RGS22: variants seen among roughly 807,000 people sequenced by gnomAD.
The protein encoded by RGS22 is regulator of G protein signaling 22.
A neutral mutation model predicts 172.9 loss-of-function variants in RGS22; 148 were observed. The observed-to-expected ratio is 0.86, with a 90% confidence interval of 0.75 to 0.98. The LOEUF is 0.98. RGS22 is among the 50% of genes least tolerant of loss of function. The pLI is 0.00. For missense variants in RGS22, 1,347 were observed against 1,440.8 expected (o/e 0.93, Z 1.05); for synonymous variants, 458 against 480.2 (o/e 0.95, Z 0.60).
At chr8:100,051,471 TA>T (rs1182480118) in intron 10 of RGS22, among the ~76,000 whole-genome samples, 8 of 104,100 alleles carry the variant, frequency 7.7e-5, no homozygotes, top group Admixed American at 1.4e-4. Context: ...TATAAATATA[TA>T]TTATATATAT....
At chr8:99,988,538 C>T (rs1344969554) in intron 20 of RGS22, among the ~76,000 whole-genome samples, 1 of 152,062 alleles carries the variant, frequency 6.6e-6, no homozygotes, top group Non-Finnish European at 1.5e-5. Flanking sequence ...AAGTATCATT[C>T]CAAAGACAAT....
chr8:100,052,528 C>G (rs1343973965), intron 10 of RGS22, among the ~76,000 whole-genome samples: 1 of 151,882 alleles, frequency 6.6e-6, no homozygotes, highest in African/African-American at 2.4e-5. Flanking sequence ...GTCTTGATCT[C>G]CTGACCTCGT....
rs760983466 is a variant in RGS22, at chr8:100,052,831, A to G, written c.1660T>C (p.Ser554Pro). ...MATLLPLRPK[S>P]CIPQIPEIQK... ...ATCTCAGGTATCTGTGGAATGCAAG[A>G]TTTGGGTCTTAATGGCAAGAGGGTT... The change falls in exon 10 of 28, where the codon TCT (serine) becomes CCT (proline). Residue 554 changes from serine to proline, a missense_variant. Coordinates refer to ENST00000360863, the MANE Select transcript of RGS22 (RefSeq NM_015668.5). 4.7e-5 allele frequency: 76 copies of G among 1,613,968 alleles called. No homozygotes were observed. Among genetic ancestry groups the G allele is most frequent in the Non-Finnish European group, 6.3e-5 (74 of 1,179,976 alleles).
chr8:100,002,271 T>A lies in RGS22; in HGVS notation c.2721A>T (p.Lys907Asn). 1.2e-6 allele frequency: 2 copies of A among 1,611,428 alleles called. No individual in the cohort carries two copies. The highest frequency in any genetic ancestry group is 1.7e-6 in the Non-Finnish European group (2 of 1,178,802). The change falls in exon 18 of 28, where the codon AAA becomes AAT. Residue 907 changes from lysine to asparagine, a missense_variant. Transcript: ENST00000360863. Reference sequence around the variant, plus strand: ...AATATTTTTTATTAAGGTATTTGTTTTTAATGTATATAGATTTTGCCTTCC... The same window carrying A: ...AATATTTTTTATTAAGGTATTTGTTATTAATGTATATAGATTTTGCCTTCC... ...NQRKAKSIYIKNKYLNKKYFF... is the reference protein window; with the variant it reads ...NQRKAKSIYINNKYLNKKYFF...
intron 11 of RGS22, among the ~76,000 whole-genome samples, chr8:100,043,345 A>C (rs1258380545): frequency 6.6e-6 from 1 of 152,092 alleles, no homozygotes; most frequent in African/African-American, 2.4e-5. Flanking sequence ...GAATATGAAG[A>C]CCTTTGTTTT....
At chr8:100,056,231 GAT>G (rs1822232913) in intron 9 of RGS22, among the ~76,000 whole-genome samples, 2 of 152,170 alleles carry the variant, frequency 1.3e-5, no homozygotes, top group Non-Finnish European at 2.9e-5. Context: ...TGAGAGAGAT[GAT>G]TTAGGGTATC....
intron 6 of RGS22, among the ~76,000 whole-genome samples, chr8:100,067,146 C>T (rs966321842): frequency 6.6e-6 from 1 of 152,142 alleles, no homozygotes; most frequent in African/African-American, 2.4e-5. Flanking sequence ...TTGGTCAGCA[C>T]TTAGTCTAAG....
intron 14 of RGS22, among the ~76,000 whole-genome samples, chr8:100,025,294 T>C (rs1818062021): frequency 6.6e-6 from 1 of 152,218 alleles, no homozygotes; most frequent in African/African-American, 2.4e-5. Context: ...TGGCCGCTAA[T>C]TGGGACACCA....
rs565944726 is a variant in RGS22, at chr8:100,014,949, A to G, written c.2167-6380T>C. ...GACCCTGTACTTTTATGTTTTTCCC[A>G]TTGGACCCTACATTCTACAAAGACA... On this transcript the variant is annotated intron_variant, in intron 14 of 27. Coordinates refer to ENST00000360863, the MANE Select transcript of RGS22 (RefSeq NM_015668.5). Among the ~76,000 whole-genome samples, 6 of 152,168 alleles carry G rather than the reference A, an allele frequency of 3.9e-5. No homozygotes were observed. The South Asian group carries it at 1.2e-3, about 32-fold the overall frequency.
chr8:100,030,907 AC>A (rs1563639864), intron 14 of RGS22, among the ~76,000 whole-genome samples: 1 of 152,194 alleles, frequency 6.6e-6, no homozygotes, highest in Non-Finnish European at 1.5e-5. Flanking sequence ...AGTAATGATG[AC>A]TACTAGGAGG....
intron 3 of RGS22, among the ~76,000 whole-genome samples, chr8:100,082,773 A>G (rs1364060959): frequency 6.6e-6 from 1 of 152,220 alleles, no homozygotes; most frequent in Non-Finnish European, 1.5e-5. Context: ...GTTCTTTGCT[A>G]AGCAATAATC....
intron 10 of RGS22, among the ~76,000 whole-genome samples, chr8:100,049,466 T>C (rs572597775): frequency 1.3e-5 from 2 of 152,270 alleles, no homozygotes; most frequent in South Asian, 2.1e-4. Flanking sequence ...AAACAACAGA[T>C]GAGAAGTCAG....
At chr8:100,104,588 C>A (rs926012557) in intron 2 of RGS22, among the ~76,000 whole-genome samples, 1 of 152,140 alleles carries the variant, frequency 6.6e-6, no homozygotes, top group Non-Finnish European at 1.5e-5. Flanking sequence ...TTAGTCCCTG[C>A]TAGACTGTGA....
In RGS22 at chr8:99,990,362, C is replaced by T. The variant is rs147797409; in HGVS notation, c.3019-2743G>A. ...AGGGGACTCTGGCCTTGCAGAAGGA[C>T]CCTGTTTCCCATTTCTTCCCCCTGC... On this transcript the variant is annotated intron_variant, in intron 20 of 27. Transcript: ENST00000360863. 1.1e-3 allele frequency among the ~76,000 whole-genome samples: 168 copies of T among 152,168 alleles called. 2 individuals carry two copies. The highest frequency in any genetic ancestry group is 0.011 in the Admixed American group (165 of 15,286).
At chr8:99,972,745 G>A (rs553533161) in intron 23 of RGS22, among the ~76,000 whole-genome samples, 10 of 152,222 alleles carry the variant, frequency 6.6e-5, no homozygotes, top group Admixed American at 1.3e-4. Context: ...GAAAAAGTCA[G>A]GAAATAAGCT....
In RGS22 at chr8:99,980,453, G is replaced by A. The variant is rs954058930; in HGVS notation, c.3360+1484C>T. ...AGACAACTAGGTAAGTTTTAGGAACGGATTAGATACAGAGGTAAGGAAATG... is the reference window on the plus strand; with the variant it reads ...AGACAACTAGGTAAGTTTTAGGAACAGATTAGATACAGAGGTAAGGAAATG... On this transcript the variant is annotated intron_variant, in intron 22 of 27. Transcript: ENST00000360863. Among the ~76,000 whole-genome samples, 20 of 152,074 alleles carry A rather than the reference G, an allele frequency of 1.3e-4. 1 individual carries two copies. Among genetic ancestry groups the A allele is most frequent in the South Asian group, 2.1e-4 (1 of 4,822 alleles).
chr8:99,999,175 GA>G, intron 19 of RGS22, 86 bp downstream of exon 19: 1 of 1,121,974 alleles, frequency 8.9e-7, no homozygotes, highest in East Asian at 2.7e-5. Context: ...AAAAAAAAAG[GA>G]CAATGGCTGG....
intron 4 of RGS22, among the ~76,000 whole-genome samples, chr8:100,078,525 T>G (rs1386035726): frequency 6.6e-6 from 1 of 151,924 alleles, no homozygotes; most frequent in Non-Finnish European, 1.5e-5. Flanking sequence ...ATTCTTTATG[T>G]GTCCCATATG....
At chr8:100,039,108 A>T (rs913179672) in intron 13 of RGS22, 76 bp from the exon 14 acceptor site, 12 of 760,796 alleles carry the variant, frequency 1.6e-5, no homozygotes, top group Non-Finnish European at 2.3e-5. Context: ...TTCAAATATA[A>T]GTAACTGTTT....
Sources: allele counts gnomAD v4.1 joint callset (sites outside exome capture counted in the v4.1 genomes callset), GRCh38; gene constraint gnomAD v4.1.1; transcripts MANE v1.5; gene names NCBI Gene and HGNC (gene_info 2026-07-23, HGNC 2026-07-21).